The following BORCS5 variants were observed in gnomAD, a reference collection of about 807,000 sequenced individuals.
The protein encoded by BORCS5 is BLOC-1-related complex subunit 5.
BORCS5 carries 17 observed loss-of-function variants against 22.1 expected under a neutral mutation model. That is an observed-to-expected ratio of 0.77 (90% CI 0.53 to 1.15). The LOEUF is 1.15. BORCS5 is among the 50% of genes most tolerant of loss of function. BORCS5 has a pLI of 0.00. For synonymous variants in BORCS5, 117 were observed against 99.8 expected (o/e 1.17, Z -1.03); for missense variants, 247 against 253.2 (o/e 0.98, Z 0.17).
chr12:12,427,679 C>T (rs1309010313), intron 2 of BORCS5, among the ~76,000 whole-genome samples: 1 of 152,154 alleles, frequency 6.6e-6, no homozygotes, highest in Admixed American at 6.5e-5. Context: ...GCTTAAACAG[C>T]AAGCATTTAT....
intron 2 of BORCS5, among the ~76,000 whole-genome samples, chr12:12,408,400 C>G (rs1056588528): frequency 6.6e-6 from 1 of 152,144 alleles, no homozygotes; most frequent in Non-Finnish European, 1.5e-5. Context: ...GTAAAATACA[C>G]TTGACATGAA....
intron 2 of BORCS5, among the ~76,000 whole-genome samples, chr12:12,361,663 C>T (rs774113374): frequency 2.6e-5 from 4 of 152,132 alleles, no homozygotes; most frequent in Admixed American, 6.5e-5. Context: ...ATTCCCAGCA[C>T]GTGAAATATA....
intron 2 of BORCS5, among the ~76,000 whole-genome samples, chr12:12,389,447 T>G (rs1863953762): frequency 2.0e-5 from 3 of 150,864 alleles, no homozygotes; most frequent in Admixed American, 1.3e-4. Flanking sequence ...CAAATAAATA[T>G]ATTTTTAATG....
At chr12:12,376,872 C>CA (rs1863666466) in intron 2 of BORCS5, among the ~76,000 whole-genome samples, 1 of 152,160 alleles carries the variant, frequency 6.6e-6, no homozygotes, top group African/African-American at 2.4e-5. Context: ...CAACCTGGTG[C>CA]AGTCTTTTCA....
intron 2 of BORCS5, among the ~76,000 whole-genome samples, chr12:12,393,682 CCT>C (rs1941260125): frequency 0.011 from 1 of 90 alleles, no homozygotes; most frequent in Non-Finnish European, 0.022. Flanking sequence ...ACCATGCCTG[CCT>C]AAATTTTGTA....
At chr12:12,461,746 T>A (rs940936120) in intron 3 of BORCS5, among the ~76,000 whole-genome samples, 1 of 151,784 alleles carries the variant, frequency 6.6e-6, no homozygotes, top group Non-Finnish European at 1.5e-5. Flanking sequence ...CAACAAAGAG[T>A]GCATGCCGGC....
intron 2 of BORCS5, among the ~76,000 whole-genome samples, chr12:12,425,365 C>T (rs1942257713): frequency 6.6e-6 from 1 of 152,186 alleles, no homozygotes; most frequent in African/African-American, 2.4e-5. Flanking sequence ...CCTGGTGCTT[C>T]CTACCACAGT....
chr12:12,427,182 T>C (rs1163364881), intron 2 of BORCS5, among the ~76,000 whole-genome samples: 23 of 68,404 alleles, frequency 3.4e-4, no homozygotes, highest in Non-Finnish European at 5.0e-4. Context: ...CTTTTTTTTT[T>C]TTTTTTTTTT....
chr12:12,416,808 G>A (rs567956636), intron 2 of BORCS5, among the ~76,000 whole-genome samples: 1 of 140,518 alleles, frequency 7.1e-6, no homozygotes, highest in South Asian at 2.2e-4. Flanking sequence ...TTGAGATGGA[G>A]TCTTGCTTTG....
rs376422895 is a variant in BORCS5 at position 12,357,564 on chromosome 12, G to A, written c.58+55G>A. The A allele has an allele frequency of 1.3e-4, 201 of 1,563,516 alleles. 2 individuals are homozygous for A. The African/African-American group carries it at 2.5e-3, about 19-fold the overall frequency. ...AGCCCGCCCTGTCCCCTTGCAGAGC[G>A]GGCTGCCTCCCAGACTAGGGTCAGG... On this transcript the variant is annotated intron_variant, in intron 1 of 3. Coordinates refer to ENST00000314565, the MANE Select transcript of BORCS5 (RefSeq NM_058169.6).
At chr12:12,405,473 A>G (rs958364372) in intron 2 of BORCS5, among the ~76,000 whole-genome samples, 2 of 152,162 alleles carry the variant, frequency 1.3e-5, no homozygotes, top group Non-Finnish European at 2.9e-5. Flanking sequence ...TCTAGCACTT[A>G]TTTCCATCAC....
chr12:12,467,216 T>G lies in BORCS5; in HGVS notation c.*1440T>G, dbSNP rs1014928330. ...ATTTAAGACATCACCATCATTGTCT[T>G]TCTTCTGGAGTATACAGAACCTGGT... is the stretch of plus-strand genomic sequence containing the variant. On this transcript the variant is annotated 3_prime_UTR_variant, in exon 4 of 4. Coordinates refer to ENST00000314565, the MANE Select transcript of BORCS5 (RefSeq NM_058169.6). 1.3e-5 allele frequency: 2 copies of G among 152,228 alleles called. No individual in the cohort carries two copies. Among genetic ancestry groups the G allele is most frequent in the South Asian group, 2.1e-4 (1 of 4,836 alleles). The allele number at this position is 152,228 out of a possible 1,614,324, so 9.4% of individuals were successfully genotyped here.
chr12:12,455,215 A>G (rs570974875), intron 3 of BORCS5, among the ~76,000 whole-genome samples: 2 of 152,364 alleles, frequency 1.3e-5, no homozygotes, highest in South Asian at 4.1e-4. Flanking sequence ...CAAAGAAAGA[A>G]CAAAGCTGGG....
intron 2 of BORCS5, among the ~76,000 whole-genome samples, chr12:12,390,453 T>C (rs1941144371): frequency 6.6e-6 from 1 of 152,036 alleles, no homozygotes; most frequent in East Asian, 1.9e-4. Context: ...AAAGCATGTG[T>C]CCTAAATGTA....
chr12:12,435,622 T>G lies in BORCS5; in HGVS notation c.203-6T>G. ...TAATTTCATTTCATTTTTTTCTCCTTTGAAGGGCTATTGAGTGGCCAGACT... is the reference window on the plus strand; with the variant it reads ...TAATTTCATTTCATTTTTTTCTCCTGTGAAGGGCTATTGAGTGGCCAGACT... On this transcript the variant is annotated splice_polypyrimidine_tract_variant and splice_region_variant and intron_variant, in intron 2 of 3. Transcript: ENST00000314565. 1 of 1,606,572 alleles carries G rather than the reference T, an allele frequency of 6.2e-7. No individual in the cohort carries two copies. Among genetic ancestry groups the G allele is most frequent in the Non-Finnish European group, 8.5e-7 (1 of 1,176,852 alleles).
In BORCS5 at chr12:12,438,382, G is replaced by GAAAAAAAAA. The variant is rs1565915767; in HGVS notation, c.360+2602_360+2603insAAAAAAAAA. On this transcript the variant is annotated intron_variant, in intron 3 of 3. Coordinates refer to ENST00000314565, the MANE Select transcript of BORCS5 (RefSeq NM_058169.6). ...TCTCAAAAAAAAAAAAAAAAAAAAC[G>GAAAAAAAAA]AAAAACAACAACAAAAACCTCTAAT... 4.6e-4 allele frequency among the ~76,000 whole-genome samples: 49 copies of GAAAAAAAAA among 106,956 alleles called. 2 individuals are homozygous for GAAAAAAAAA. Among genetic ancestry groups the GAAAAAAAAA allele is most frequent in the African/African-American group, 2.3e-3 (42 of 18,070 alleles). 70.2% of individuals were successfully genotyped at this position (106,956 alleles called of 152,430 possible).
chr12:12,404,585 G>T (rs548333721), intron 2 of BORCS5, among the ~76,000 whole-genome samples: 1 of 152,268 alleles, frequency 6.6e-6, no homozygotes, highest in East Asian at 1.9e-4. Context: ...ATTTTGGAAG[G>T]GACCCATTCA....
At chr12:12,388,398 A>G (rs1241948527) in intron 2 of BORCS5, among the ~76,000 whole-genome samples, 1 of 151,374 alleles carries the variant, frequency 6.6e-6, no homozygotes, top group African/African-American at 2.4e-5. Context: ...GGCTGCTCCT[A>G]ATTTAGATGG....
chr12:12,454,430 G>A (rs939976340), intron 3 of BORCS5, among the ~76,000 whole-genome samples: 2 of 152,178 alleles, frequency 1.3e-5, no homozygotes, highest in Non-Finnish European at 2.9e-5. Flanking sequence ...AATGTCCAGT[G>A]ATGTTGAACA....
Sources: gnomAD v4.1 joint callset for allele counts (sites outside exome capture counted in the v4.1 genomes callset) on GRCh38, gnomAD v4.1.1 for gene constraint, MANE v1.5 for transcripts, NCBI Gene and HGNC (gene_info 2026-07-23, HGNC 2026-07-21) for gene names.